BLTP1: variants seen among roughly 807,000 people sequenced by gnomAD.
BLTP1 encodes bridge-like lipid transfer protein family member 1.
At chr4:122,317,124 G>T in the BLTP1 span, among the ~76,000 whole-genome samples, 1 of 152,122 alleles carries the variant, frequency 6.6e-6, no homozygotes, top group African/African-American at 2.4e-5. Context: ...CTGAGGTCAG[G>T]AGTTCAAGAC....
the BLTP1 span, chr4:122,246,059 A>G: frequency 1.4e-6 from 2 of 1,381,850 alleles, no homozygotes; most frequent in Admixed American, 2.8e-5. Context: ...ATAGATAGGC[A>G]TAGAGGGGCA....
chr4:122,263,702 G>T, the BLTP1 span: 28 of 648,432 alleles, frequency 4.3e-5, no homozygotes, highest in Non-Finnish European at 6.6e-5. Context: ...AGTACTGTTT[G>T]GTTGAAATTG....
At chr4:122,255,500 G>A in the BLTP1 span, among the ~76,000 whole-genome samples, 6 of 152,170 alleles carry the variant, frequency 3.9e-5, no homozygotes, top group Middle Eastern at 3.4e-3. Flanking sequence ...CAAAAAATTA[G>A]CTGGGCGTGC....
At chr4:122,222,515 C>G in the BLTP1 span, among the ~76,000 whole-genome samples, 1 of 152,152 alleles carries the variant, frequency 6.6e-6, no homozygotes, top group Non-Finnish European at 1.5e-5. Flanking sequence ...TTTATTCTCT[C>G]ACAGTTCTGG....
chr4:122,189,848 ATGTTTT>A, the BLTP1 span: 1 of 1,263,524 alleles, frequency 7.9e-7, no homozygotes, highest in Non-Finnish European at 1.0e-6. Context: ...CATTGGAAAG[ATGTTTT>A]TCTTTCTTTT....
chr4:122,154,036 T>G, the BLTP1 span: 1 of 984,714 alleles, frequency 1.0e-6, no homozygotes, highest in Non-Finnish European at 1.2e-6. Context: ...TTTGTTAAGA[T>G]GAAACACTGC....
chr4:122,173,028 C>T, the BLTP1 span: 6 of 1,612,176 alleles, frequency 3.7e-6, no homozygotes, highest in Non-Finnish European at 5.1e-6. Context: ...TTTTTTTCCT[C>T]CCAACAGCTA....
At chr4:122,337,260 C>T in the BLTP1 span, 3 of 469,646 alleles carry the variant, frequency 6.4e-6, no homozygotes, top group Admixed American at 4.3e-5. Context: ...AACTGAATAG[C>T]GTAAGTCAGT....
chr4:122,233,522 C>A, the BLTP1 span, among the ~76,000 whole-genome samples: 1 of 152,114 alleles, frequency 6.6e-6, no homozygotes, highest in African/African-American at 2.4e-5. Context: ...TATATAAGTT[C>A]TTTTATTTTG....
chr4:122,152,389 C>T, the BLTP1 span: 8 of 985,140 alleles, frequency 8.1e-6, no homozygotes, highest in Non-Finnish European at 9.6e-6. Context: ...CCTTGGGTGT[C>T]GGTGGCTGCG....
At chr4:122,276,506 A>AAT in the BLTP1 span, 4 of 983,528 alleles carry the variant, frequency 4.1e-6, no homozygotes, top group African/African-American at 1.7e-5. Context: ...ACTATATGTA[A>AAT]ATATGTGTTT....
At chr4:122,200,585 A>AC in the BLTP1 span, 16 of 557,212 alleles carry the variant, frequency 2.9e-5, no homozygotes, top group South Asian at 7.0e-5. Context: ...TCTCAAAACA[A>AC]AAAAAAAAAA....
At chr4:122,190,812 A>G in the BLTP1 span, among the ~76,000 whole-genome samples, 1 of 152,170 alleles carries the variant, frequency 6.6e-6, no homozygotes. Flanking sequence ...GTATCTAAAC[A>G]TTGGGTTTTA....
the BLTP1 span, among the ~76,000 whole-genome samples, chr4:122,220,088 G>A: frequency 7.2e-5 from 11 of 152,180 alleles, no homozygotes; most frequent in African/African-American, 2.7e-4. Context: ...AGGGACTTTG[G>A]TGCAGGGCCA....
At chr4:122,199,889 C>T in the BLTP1 span, 6 of 974,672 alleles carry the variant, frequency 6.2e-6, no homozygotes, top group Non-Finnish European at 7.3e-6. Context: ...TGTTGATACC[C>T]TGGATTGTTT....
the BLTP1 span, chr4:122,254,980 A>G: frequency 2.6e-6 from 4 of 1,558,108 alleles, no homozygotes; most frequent in Non-Finnish European, 3.5e-6. Flanking sequence ...AATACAAGGT[A>G]TTATACAAAC....
the BLTP1 span, chr4:122,221,692 G>C: frequency 1.8e-6 from 1 of 565,972 alleles, no homozygotes; most frequent in Non-Finnish European, 2.2e-6. Flanking sequence ...AAAACCTCTT[G>C]TCCTCTCTAT....
chr4:122,293,245 G>T, the BLTP1 span: 2 of 878,516 alleles, frequency 2.3e-6, no homozygotes, highest in Non-Finnish European at 2.7e-6. Flanking sequence ...AAAGTAGGAC[G>T]GTAGAAGCAG....
the BLTP1 span, chr4:122,256,687 C>A: frequency 5.5e-6 from 1 of 181,512 alleles, no homozygotes; most frequent in Non-Finnish European, 1.1e-5. Flanking sequence ...TTCTTTCTTA[C>A]AATCATCACC....
Sources: gnomAD v4.1 joint callset for allele counts (sites outside exome capture counted in the v4.1 genomes callset) on GRCh38, gnomAD v4.1.1 for gene constraint, MANE v1.5 for transcripts, NCBI Gene and HGNC (gene_info 2026-07-23, HGNC 2026-07-21) for gene names.